AP3S1: variants seen among roughly 807,000 people sequenced by gnomAD.
AP3S1 encodes the protein AP-3 complex subunit sigma-1.
AP3S1 carries 12 observed loss-of-function variants against 21.3 expected under a neutral mutation model. That is an observed-to-expected ratio of 0.56 (90% CI 0.36 to 0.91). The LOEUF is 0.91. AP3S1 is among the 40% of genes least tolerant of loss of function. The pLI, the probability that AP3S1 is intolerant of heterozygous loss-of-function variation, is 0.01. For missense variants in AP3S1, 116 were observed against 225.0 expected, an observed-to-expected ratio of 0.52 and a Z score of 3.10; for synonymous variants, 48 against 78.4, an observed-to-expected ratio of 0.61 and a Z score of 2.05.
chr5:115,865,825 A>G (rs1487769283), intron 1 of AP3S1, among the ~76,000 whole-genome samples: 1 of 152,116 alleles, frequency 6.6e-6, no homozygotes, highest in Non-Finnish European at 1.5e-5. Flanking sequence ...TTTGAGATAG[A>G]ATCTCACTCT....
At chr5:115,906,833 C>G in intron 5 of AP3S1, 1 of 1,520,476 alleles carries the variant, frequency 6.6e-7, no homozygotes, top group Non-Finnish European at 8.8e-7. Context: ...CTTTATCTTT[C>G]AGTCTCCCAG....
intron 1 of AP3S1, among the ~76,000 whole-genome samples, chr5:115,864,683 G>A (rs1278527555): frequency 1.3e-5 from 2 of 152,178 alleles, no homozygotes; most frequent in Non-Finnish European, 2.9e-5. Context: ...AGAAATCATG[G>A]AAGAGATTGT....
At chr5:115,890,026 A>T (rs1188537074) in intron 3 of AP3S1, among the ~76,000 whole-genome samples, 1 of 152,242 alleles carries the variant, frequency 6.6e-6, no homozygotes, top group Non-Finnish European at 1.5e-5. Flanking sequence ...ATGGAACTAC[A>T]GAAACTCTCA....
intron 1 of AP3S1, among the ~76,000 whole-genome samples, chr5:115,853,803 A>G (rs152367): frequency 0.68 from 103,435 of 152,048 alleles, 35,425 homozygotes; most frequent in African/African-American, 0.75. Context: ...CCTTCCAGCT[A>G]CCACCATGGT....
intron 4 of AP3S1, among the ~76,000 whole-genome samples, chr5:115,901,871 C>T (rs979991913): frequency 6.6e-6 from 1 of 151,960 alleles, no homozygotes; most frequent in Non-Finnish European, 1.5e-5. Flanking sequence ...TGCGTGAAAT[C>T]TTACAAAGAA....
At chr5:115,892,824 G>A (rs528301013) in intron 3 of AP3S1, among the ~76,000 whole-genome samples, 49 of 152,266 alleles carry the variant, frequency 3.2e-4, no homozygotes, top group South Asian at 2.7e-3. Context: ...TAATTGGATT[G>A]TTTGTAACAC....
rs1273500429 is a variant in AP3S1, at chr5:115,842,037, C to T, written c.-1C>T. 1 of 1,589,140 alleles carries T rather than the reference C, an allele frequency of 6.3e-7. No individual in the cohort carries two copies. The highest frequency in any genetic ancestry group is 1.4e-5 in the African/African-American group (1 of 74,072). On this transcript the variant is annotated 5_prime_UTR_variant, in exon 1 of 6. Transcript: ENST00000316788. ...GCCCACCCGGTCGGCCCGGCACAGCCATGATCAAGGCGATCCTAATCTTCA... is the reference window on the plus strand; with the variant it reads ...GCCCACCCGGTCGGCCCGGCACAGCTATGATCAAGGCGATCCTAATCTTCA...
At chr5:115,872,757 A>G (rs577902894) in intron 3 of AP3S1, among the ~76,000 whole-genome samples, 2 of 152,302 alleles carry the variant, frequency 1.3e-5, no homozygotes, top group African/African-American at 2.4e-5. Context: ...TCAGGACTAT[A>G]TATTGCATTG....
intron 3 of AP3S1, among the ~76,000 whole-genome samples, chr5:115,892,183 G>A (rs1387347598): frequency 6.6e-6 from 1 of 152,178 alleles, no homozygotes; most frequent in Non-Finnish European, 1.5e-5. Context: ...CAAGGATGTG[G>A]AGAAAAGGGA....
intron 1 of AP3S1, among the ~76,000 whole-genome samples, chr5:115,850,799 G>A (rs1762386063): frequency 1.3e-5 from 2 of 152,164 alleles, no homozygotes; most frequent in South Asian, 4.1e-4. Context: ...GTTTACTTGA[G>A]CCAAAATGAG....
intron 3 of AP3S1, among the ~76,000 whole-genome samples, chr5:115,873,539 A>T (rs1218257242): frequency 6.6e-6 from 1 of 152,188 alleles, no homozygotes; most frequent in African/African-American, 2.4e-5. Context: ...TATCAGGAAC[A>T]TGTTGGAAGT....
At chr5:115,844,634 T>C (rs539666916) in intron 1 of AP3S1, among the ~76,000 whole-genome samples, 5 of 152,304 alleles carry the variant, frequency 3.3e-5, no homozygotes, top group East Asian at 3.9e-4. Context: ...AAGTGTCTGT[T>C]TGTGTAGGGC....
intron 2 of AP3S1, 55 bp from the exon 3 acceptor site, chr5:115,869,962 A>C (rs1748077674): frequency 2.6e-6 from 3 of 1,145,420 alleles, no homozygotes; most frequent in Non-Finnish European, 3.7e-6. Context: ...GCTTGAGCTA[A>C]TGAAAATGAT....
intron 2 of AP3S1, among the ~76,000 whole-genome samples, chr5:115,869,812 G>A (rs1392686296): frequency 2.6e-5 from 4 of 152,192 alleles, no homozygotes. Flanking sequence ...CTGAAATTAA[G>A]CACTGGCTTC....
intron 1 of AP3S1, among the ~76,000 whole-genome samples, chr5:115,843,234 T>C (rs185954528): frequency 1.6e-4 from 25 of 152,356 alleles, no homozygotes; most frequent in Admixed American, 3.9e-4. Context: ...AATTTTGAAA[T>C]TGTGCCAAGG....
chr5:115,911,932 G>A (rs141594779), intron 5 of AP3S1, among the ~76,000 whole-genome samples: 2 of 151,862 alleles, frequency 1.3e-5, no homozygotes, highest in East Asian at 3.9e-4. Flanking sequence ...ATTTAATTGG[G>A]TATGGAGTTA....
At chr5:115,873,989 A>G (rs1404710697) in intron 3 of AP3S1, among the ~76,000 whole-genome samples, 1 of 152,266 alleles carries the variant, frequency 6.6e-6, no homozygotes, top group East Asian at 1.9e-4. Context: ...TAAGGTATGC[A>G]TATGTTGTCC....
At chr5:115,907,123 T>A (rs190329632) in intron 5 of AP3S1, 41 of 477,318 alleles carry the variant, frequency 8.6e-5, no homozygotes, top group Middle Eastern at 1.1e-3. Flanking sequence ...AAATTTTTTT[T>A]AAACACTTGT....
chr5:115,842,173 G>C, intron 1 of AP3S1, 67 bp downstream of exon 1: 1 of 1,511,030 alleles, frequency 6.6e-7, no homozygotes, highest in Non-Finnish European at 8.9e-7. Context: ...GCCCAGCGCG[G>C]CTTTCTCAGA....
Sources: gnomAD v4.1 joint callset for allele counts (sites outside exome capture counted in the v4.1 genomes callset) on GRCh38, gnomAD v4.1.1 for gene constraint, MANE v1.5 for transcripts, NCBI Gene and HGNC (gene_info 2026-07-23, HGNC 2026-07-21) for gene names.